The following CEACAM20 variants were observed in gnomAD, a reference collection of about 807,000 sequenced individuals.
The protein encoded by CEACAM20 is CEA cell adhesion molecule 20, also known as cell adhesion molecule CEACAM20.
Under a neutral mutation model 61.2 loss-of-function variants are expected in CEACAM20, and 50 were observed. The ratio of observed to expected loss-of-function variants is 0.82; its 90% CI spans 0.65 to 1.03. The LOEUF (loss-of-function observed/expected upper bound fraction) is 1.03. Ranked by LOEUF, CEACAM20 falls within the 50% of genes least tolerant of loss-of-function variation. The pLI is 0.00. For synonymous variants in CEACAM20, 282 were observed against 287.7 expected, an observed-to-expected ratio of 0.98 and a Z score of 0.20; for missense variants, 683 against 736.4, an observed-to-expected ratio of 0.93 and a Z score of 0.84.
chr19:44,514,715 T>C (rs866285318), intron 6 of CEACAM20, among the ~76,000 whole-genome samples: 11 of 151,996 alleles, frequency 7.2e-5, no homozygotes, highest in African/African-American at 2.7e-4. Context: ...CTCCTCGACC[T>C]CCCAAACTGC....
intron 5 of CEACAM20, among the ~76,000 whole-genome samples, chr19:44,518,775 C>T (rs1971268717): frequency 6.6e-6 from 1 of 152,054 alleles, no homozygotes; most frequent in Admixed American, 6.6e-5. Flanking sequence ...CCTTCACCTG[C>T]ATCCCAGCTC....
chr19:44,508,346 C>T (rs887726573), intron 11 of CEACAM20, among the ~76,000 whole-genome samples: 2 of 152,160 alleles, frequency 1.3e-5, no homozygotes, highest in African/African-American at 4.8e-5. Context: ...AAACTTGTTA[C>T]TGGAATTTTG....
chr19:44,520,240 C>A (rs1424634299), intron 5 of CEACAM20, among the ~76,000 whole-genome samples: 1 of 152,192 alleles, frequency 6.6e-6, no homozygotes, highest in African/African-American at 2.4e-5. Context: ...CCTGTGAAAG[C>A]CTAAATCTGG....
chr19:44,508,731 C>G (rs868069719), intron 11 of CEACAM20, among the ~76,000 whole-genome samples: 1 of 152,268 alleles, frequency 6.6e-6, no homozygotes, highest in African/African-American at 2.4e-5. Context: ...TCATACCTCT[C>G]TGTTTTATTG....
intron 1 of CEACAM20, among the ~76,000 whole-genome samples, chr19:44,528,640 C>G (rs547643906): frequency 7.3e-5 from 11 of 151,646 alleles, no homozygotes; most frequent in African/African-American, 2.2e-4. Context: ...GTGGCTGTGA[C>G]TCCATCTTTC....
intron 11 of CEACAM20, among the ~76,000 whole-genome samples, chr19:44,506,963 T>A (rs1970837060): frequency 6.6e-6 from 1 of 152,228 alleles, no homozygotes. Flanking sequence ...AGGGCCTTTT[T>A]TACTGATGCC....
chr19:44,522,808 A>C lies in CEACAM20; in HGVS notation c.577T>G (p.Ser193Ala). The C allele has an allele frequency of 6.2e-7, 1 of 1,613,508 alleles. No individual in the cohort carries two copies. The highest frequency in any genetic ancestry group is 8.5e-7 in the Non-Finnish European group (1 of 1,179,750). ...CAAGTATAGGCACAGGGTGGGTGAG[A>C]CTTTGTTTCCGCTAAGAAGGTCATG... ...SSMTFLAETKSHPPCAYTWFL... is the reference protein window; with the variant it reads ...SSMTFLAETKAHPPCAYTWFL... The change falls in exon 4 of 12, where the codon TCT (serine) becomes GCT (alanine). Residue 193 changes from serine (S) to alanine (A), a missense_variant. Coordinates refer to ENST00000614924, the MANE Select transcript of CEACAM20 (RefSeq NM_001102597.3).
In CEACAM20 at chr19:44,524,263, T is replaced by C. The variant is rs1298249655; in HGVS notation, c.197-2A>G. ...CTGCAATGGAGGGTTTGGCCAGCTC[T>C]GAAAGCAAGCGAGGGAGACAGAGGC... On this transcript the variant is annotated splice_acceptor_variant, in intron 2 of 11. Coordinates refer to ENST00000614924, the MANE Select transcript of CEACAM20 (RefSeq NM_001102597.3). LOFTEE classifies it high-confidence loss of function. The C allele has an allele frequency of 8.7e-6, 14 of 1,609,872 alleles. No homozygotes were observed. The highest frequency in any genetic ancestry group is 1.1e-5 in the Non-Finnish European group (13 of 1,177,522).
chr19:44,523,068 A>C (rs558195493), intron 3 of CEACAM20, among the ~76,000 whole-genome samples, 156 bp from the exon 4 acceptor site: 1 of 152,324 alleles, frequency 6.6e-6, no homozygotes, highest in Admixed American at 6.5e-5. Context: ...TGGAGATGAA[A>C]TGTCAGCCTC....
intron 3 of CEACAM20, 122 bp downstream of exon 3, chr19:44,523,864 T>C (rs1971442650): frequency 4.7e-6 from 5 of 1,066,388 alleles, no homozygotes; most frequent in Non-Finnish European, 6.6e-6. Flanking sequence ...CAAACAGTTA[T>C]ATGTCTGAAG....
chr19:44,522,966 T>C, intron 3 of CEACAM20, 54 bp from the exon 4 acceptor site: 1 of 1,449,992 alleles, frequency 6.9e-7, no homozygotes, highest in South Asian at 1.2e-5. Flanking sequence ...AACAGGTCTC[T>C]TATGGAGGTC....
rs1450500569 is a variant in CEACAM20, at chr19:44,511,674, T to C, written c.1576-2A>G. ...CTCTGGAAGGTCTGGTGGTTGCATC[T>C]GGGGAAAAACAAAGTTGCAGAGAGG... On this transcript the variant is annotated splice_acceptor_variant, in intron 9 of 11. Transcript: ENST00000614924. LOFTEE classifies it high-confidence loss of function. The C allele has an allele frequency of 1.2e-6, 2 of 1,612,510 alleles. No individual in the cohort carries two copies. Among genetic ancestry groups the C allele is most frequent in the Non-Finnish European group, 1.7e-6 (2 of 1,179,442 alleles).
At chr19:44,528,158 T>TTTTCTTTCTTTCTTTTC (rs1240201219) in intron 1 of CEACAM20, among the ~76,000 whole-genome samples, 37 of 124,822 alleles carry the variant, frequency 3.0e-4, no homozygotes, top group African/African-American at 8.4e-4. Flanking sequence ...TCTTTCTTTC[T>TTTTCTTTCTTTCTTTTC]TTTCTTTCTT....
chr19:44,524,846 G>A (rs949674519), intron 2 of CEACAM20, among the ~76,000 whole-genome samples: 2 of 151,750 alleles, frequency 1.3e-5, no homozygotes, highest in Non-Finnish European at 2.9e-5. Context: ...CTCCCAAAGT[G>A]CTGGAATGGC....
intron 1 of CEACAM20, among the ~76,000 whole-genome samples, chr19:44,527,268 G>A (rs62116894): frequency 1.5e-5 from 2 of 137,040 alleles, no homozygotes; most frequent in Admixed American, 1.5e-4. Flanking sequence ...CAGCCACCAT[G>A]ATGGCAACGA....
chr19:44,520,250 G>A (rs1384898548), intron 5 of CEACAM20, among the ~76,000 whole-genome samples: 2 of 152,172 alleles, frequency 1.3e-5, no homozygotes, highest in Non-Finnish European at 2.9e-5. Flanking sequence ...CCTAAATCTG[G>A]TGGTGTCCCT....
At chr19:44,529,054 T>G (rs1971630181) in intron 1 of CEACAM20, among the ~76,000 whole-genome samples, 1 of 146,298 alleles carries the variant, frequency 6.8e-6, no homozygotes. Flanking sequence ...CACCTCCGAG[T>G]TCAAGGTTCA....
intron 8 of CEACAM20, among the ~76,000 whole-genome samples, chr19:44,512,482 G>A (rs1568447844): frequency 1.3e-5 from 2 of 152,092 alleles, no homozygotes; most frequent in Admixed American, 6.5e-5. Context: ...TTTTGTCTTT[G>A]GTTAACTCTA....
intron 11 of CEACAM20, among the ~76,000 whole-genome samples, chr19:44,507,795 C>A (rs560225428): frequency 3.9e-5 from 6 of 152,112 alleles, no homozygotes. Flanking sequence ...CTCTGGGAGG[C>A]CAAGGTGGGA....
Sources: gnomAD v4.1 joint callset for allele counts (sites outside exome capture counted in the v4.1 genomes callset) on GRCh38, gnomAD v4.1.1 for gene constraint, MANE v1.5 for transcripts, NCBI Gene and HGNC (gene_info 2026-07-23, HGNC 2026-07-21) for gene names.